GALNT13: variants seen among roughly 807,000 people sequenced by gnomAD.
The protein encoded by GALNT13 is UDP-GalNAc:polypeptide N-acetylgalactosaminyltransferase 13.
Under a neutral mutation model 64.2 loss-of-function variants are expected in GALNT13, and 28 were observed. That is an observed-to-expected ratio of 0.44 (90% CI 0.32 to 0.60). The LOEUF is 0.60. GALNT13 is among the 20% of genes least tolerant of loss of function. The pLI, the probability that GALNT13 is intolerant of heterozygous loss-of-function variation, is 0.05. For missense variants in GALNT13, 577 were observed against 669.8 expected (o/e 0.86, Z 1.53); for synonymous variants, 214 against 224.6 (o/e 0.95, Z 0.42).
intron 4 of GALNT13, among the ~76,000 whole-genome samples, chr2:154,209,085 C>G (rs1687627469): frequency 6.7e-6 from 1 of 149,938 alleles, no homozygotes; most frequent in Non-Finnish European, 1.5e-5. Context: ...TTGGTTAGAA[C>G]AACAAAAACA....
chr2:153,484,754 CCAAATGATT>C, the GALNT13 span, among the ~76,000 whole-genome samples: 1 of 152,170 alleles, frequency 6.6e-6, no homozygotes, highest in Non-Finnish European at 1.5e-5. Context: ...TCAAAATCTT[CCAAATGATT>C]CAATAGTCTA....
chr2:154,405,799 T>C (rs1293459668), intron 10 of GALNT13, among the ~76,000 whole-genome samples: 1 of 152,042 alleles, frequency 6.6e-6, no homozygotes, highest in African/African-American at 2.4e-5. Flanking sequence ...ACTACATCCC[T>C]GCGAGAGTGA....
chr2:154,209,702 G>A (rs1039909490), intron 4 of GALNT13, among the ~76,000 whole-genome samples: 2 of 151,934 alleles, frequency 1.3e-5, no homozygotes, highest in Non-Finnish European at 2.9e-5. Context: ...TGTCTCAGAG[G>A]AATTATTTCA....
At chr2:154,396,283 G>C (rs1699048922) in intron 10 of GALNT13, among the ~76,000 whole-genome samples, 153 bp downstream of exon 10, 1 of 151,978 alleles carries the variant, frequency 6.6e-6, no homozygotes, top group Non-Finnish European at 1.5e-5. Context: ...GGACCATGAA[G>C]TCTTCATCAT....
At chr2:154,221,612 T>A (rs1190923210) in intron 4 of GALNT13, among the ~76,000 whole-genome samples, 1 of 152,054 alleles carries the variant, frequency 6.6e-6, no homozygotes, top group Non-Finnish European at 1.5e-5. Flanking sequence ...TGAAAGGCAA[T>A]TCTATTTGAG....
In GALNT13 at chr2:154,193,348, T is replaced by C. The variant is rs539919620; in HGVS notation, c.312-48682T>C. Reference sequence around the variant, plus strand: ...TTCTTGTTAAATAGAACTCATGGACTCAGGTTTGCAGACATCCAAGTTGTG... The same window carrying C: ...TTCTTGTTAAATAGAACTCATGGACCCAGGTTTGCAGACATCCAAGTTGTG... On this transcript the variant is annotated intron_variant, in intron 4 of 12. Transcript: ENST00000392825. Among the ~76,000 whole-genome samples the C allele has an allele frequency of 9.0e-4, 137 of 152,322 alleles. 1 individual carries two copies. Among genetic ancestry groups the C allele is most frequent in the African/African-American group, 3.1e-3 (129 of 41,576 alleles).
the GALNT13 span, among the ~76,000 whole-genome samples, chr2:153,309,809 A>G: frequency 6.6e-6 from 1 of 152,148 alleles, no homozygotes; most frequent in Non-Finnish European, 1.5e-5. Flanking sequence ...GCATATACCT[A>G]GGTAAATACC....
the GALNT13 span, among the ~76,000 whole-genome samples, chr2:153,267,548 A>C: frequency 5.9e-5 from 9 of 152,190 alleles, no homozygotes; most frequent in African/African-American, 2.2e-4. Flanking sequence ...GGCCCCTTTT[A>C]GCCATGGCTA....
chr2:153,180,147 G>A, the GALNT13 span, among the ~76,000 whole-genome samples: 1 of 152,010 alleles, frequency 6.6e-6, no homozygotes, highest in African/African-American at 2.4e-5. Flanking sequence ...TGTTATTTAT[G>A]ATTTTATTTG....
chr2:153,353,384 T>A, the GALNT13 span, among the ~76,000 whole-genome samples: 182 of 152,270 alleles, frequency 1.2e-3, 1 homozygote, highest in African/African-American at 4.3e-3. Context: ...TAGACAGTCA[T>A]GTCATTTGTG....
chr2:154,220,184 T>C (rs1023239805), intron 4 of GALNT13, among the ~76,000 whole-genome samples: 3 of 152,102 alleles, frequency 2.0e-5, no homozygotes, highest in Non-Finnish European at 4.4e-5. Context: ...TAGAATCATG[T>C]TGACGCAATT....
At chr2:153,776,221 G>C in the GALNT13 span, among the ~76,000 whole-genome samples, 1 of 152,114 alleles carries the variant, frequency 6.6e-6, no homozygotes, top group African/African-American at 2.4e-5. Context: ...TTAAAAAGTG[G>C]TTGAAAGTAA....
chr2:154,126,418 G>A (rs1270189345), intron 3 of GALNT13, among the ~76,000 whole-genome samples: 2 of 152,086 alleles, frequency 1.3e-5, no homozygotes, highest in African/African-American at 4.8e-5. Context: ...GGCAGATCAC[G>A]AGGTCAGGGG....
At chr2:153,812,342 A>G in the GALNT13 span, among the ~76,000 whole-genome samples, 8 of 152,126 alleles carry the variant, frequency 5.3e-5, no homozygotes, top group Non-Finnish European at 8.8e-5. Flanking sequence ...TTATGGAACA[A>G]TTTGTTTTTG....
chr2:153,950,064 T>C (rs5007924), intron 3 of GALNT13, among the ~76,000 whole-genome samples: 47,912 of 117,898 alleles, frequency 0.41, 7,884 homozygotes, highest in African/African-American at 0.46. Flanking sequence ...AAAAAATTAC[T>C]GCAAAAAAAT....
rs72870351 is a variant in GALNT13, at chr2:154,089,276, G to A, written c.143-51061G>A. On this transcript the variant is annotated intron_variant, in intron 3 of 12. Coordinates refer to ENST00000392825, the MANE Select transcript of GALNT13 (RefSeq NM_052917.4). ...TGGACAGTGGTCTACTTCTCTCAGA[G>A]TGATACTTTGGCTTTACGGGCAGGG... Among the ~76,000 whole-genome samples the A allele has an allele frequency of 3.2e-3, 494 of 152,166 alleles. 1 individual carries two copies. The highest frequency in any genetic ancestry group is 0.01 in the Middle Eastern group (3 of 294).
At chr2:153,469,852 A>C in the GALNT13 span, among the ~76,000 whole-genome samples, 2 of 152,194 alleles carry the variant, frequency 1.3e-5, 1 homozygote, top group East Asian at 3.9e-4. Flanking sequence ...GGTCCAGGGA[A>C]GGCAGATGAT....
chr2:153,341,891 G>T, the GALNT13 span, among the ~76,000 whole-genome samples: 1 of 152,188 alleles, frequency 6.6e-6, no homozygotes, highest in East Asian at 1.9e-4. Context: ...GTGGGGTGGT[G>T]GGGAGCACTT....
the GALNT13 span, among the ~76,000 whole-genome samples, chr2:153,401,344 A>G: frequency 2.6e-5 from 4 of 151,920 alleles, no homozygotes; most frequent in African/African-American, 9.7e-5. Flanking sequence ...CTTTACTTCC[A>G]AGTAAGTGGT....
Sources: allele counts gnomAD v4.1 joint callset (sites outside exome capture counted in the v4.1 genomes callset), GRCh38; gene constraint gnomAD v4.1.1; transcripts MANE v1.5; gene names NCBI Gene and HGNC (gene_info 2026-07-23, HGNC 2026-07-21).